NUP93: variants seen among roughly 807,000 people sequenced by gnomAD.
NUP93 encodes nucleoporin 93, also known as nuclear pore complex protein Nup93.
Under a neutral mutation model 107.8 loss-of-function variants are expected in NUP93, and 55 were observed. The ratio of observed to expected loss-of-function variants is 0.51; its 90% CI spans 0.41 to 0.64. NUP93 has a LOEUF of 0.64. NUP93 is among the 30% of genes least tolerant of loss of function. The pLI, the probability that NUP93 is intolerant of heterozygous loss-of-function variation, is 0.00. For missense variants in NUP93, 937 were observed against 1,044.7 expected (o/e 0.90, Z 1.42); for synonymous variants, 390 against 397.5 (o/e 0.98, Z 0.22).
In NUP93 at chr16:56,823,826, C is replaced by T. The variant is rs1305709919; in HGVS notation, c.774C>T (p.Ala258=). ...VEVRMEFVRQ[A]LAYLEQSYKN... Reference sequence around the variant, plus strand: ...TGCGCATGGAGTTTGTCAGGCAGGCCTTGGCGTACCTTGAGCAGAGGTAAG... The same window carrying T: ...TGCGCATGGAGTTTGTCAGGCAGGCTTTGGCGTACCTTGAGCAGAGGTAAG... The change falls in exon 8 of 22, where the codon GCC becomes GCT. Residue 258 remains alanine (A), a synonymous_variant. Coordinates refer to ENST00000308159, the MANE Select transcript of NUP93 (RefSeq NM_014669.5). The T allele has an allele frequency of 2.5e-6, 4 of 1,613,888 alleles. No individual in the cohort carries two copies. The Admixed American group carries it at 5.0e-5, about 20-fold the overall frequency.
rs111859378 is a variant in NUP93 at position 56,745,350 on chromosome 16, GA to G, written c.-14-2883del. Among the ~76,000 whole-genome samples the G allele has an allele frequency of 8.9e-3, 1,361 of 152,320 alleles. 17 individuals are homozygous for G. Among genetic ancestry groups the G allele is most frequent in the African/African-American group, 0.031 (1,281 of 41,558 alleles). On this transcript the variant is annotated intron_variant, in intron 1 of 21. Transcript: ENST00000308159. ...AGGGCTGGAGATGAGTCTGAGTGAT[GA>G]GGGGGGGTGGGGCCCCTTTTGTACG...
chr16:56,753,690 C>G (rs1205452938), intron 2 of NUP93, among the ~76,000 whole-genome samples: 1 of 151,990 alleles, frequency 6.6e-6, no homozygotes, highest in Non-Finnish European at 1.5e-5. Context: ...GATAAATAAT[C>G]CAGAATCTTC....
At chr16:56,841,894 T>C in intron 21 of NUP93, 61 bp downstream of exon 21, 1 of 1,597,316 alleles carries the variant, frequency 6.3e-7, no homozygotes, top group South Asian at 1.1e-5. Flanking sequence ...TTGGAATCCG[T>C]TGCGCTCTTA....
intron 18 of NUP93, 139 bp downstream of exon 18, chr16:56,837,865 C>T (rs1596862469): frequency 3.2e-6 from 2 of 619,672 alleles, no homozygotes. Flanking sequence ...ACTCACCATG[C>T]CACCAGCACT....
rs1348936111 is a variant in NUP93 at position 56,845,982 on chromosome 16, G to A, written c.*1373G>A. On this transcript the variant is annotated 3_prime_UTR_variant, in exon 22 of 22. Coordinates refer to ENST00000308159, the MANE Select transcript of NUP93 (RefSeq NM_014669.5). ...TCCTCTAGTCCCATCTTGTCACCCT[G>A]GAGGACTGTCTTCAATTGAGCTTTA... is the stretch of plus-strand genomic sequence containing the variant. 3 of 152,228 alleles carry A rather than the reference G, an allele frequency of 2.0e-5. No homozygotes were observed. The highest frequency in any genetic ancestry group is 7.2e-5 in the African/African-American group (3 of 41,448). 9.4% of individuals were successfully genotyped at this position (152,228 alleles called of 1,614,324 possible).
At chr16:56,815,960 T>C (rs549960312) in intron 5 of NUP93, among the ~76,000 whole-genome samples, 9 of 151,812 alleles carry the variant, frequency 5.9e-5, no homozygotes, top group African/African-American at 2.2e-4. Flanking sequence ...CCACTACTAC[T>C]ACTCTCTACT....
Position 56,804,187 on chromosome 16 carries a change from CCTTGCAGTTCCA to C in NUP93, c.361-1301_361-1290del, listed in dbSNP as rs375486176. Among the ~76,000 whole-genome samples, 920 of 152,198 alleles carry C rather than the reference CCTTGCAGTTCCA, an allele frequency of 6.0e-3. 13 individuals are homozygous for C. Among genetic ancestry groups the C allele is most frequent in the African/African-American group, 0.021 (864 of 41,508 alleles). ...CCTCACAAAATTAAAAATAAAATTA[CCTTGCAGTTCCA>C]CTTGCAGTTCCACTTCTGAGTATAT... is the stretch of plus-strand genomic sequence containing the variant. On this transcript the variant is annotated intron_variant, in intron 4 of 21. Transcript: ENST00000308159.
chr16:56,743,936 C>G (rs1961779886), intron 1 of NUP93, among the ~76,000 whole-genome samples: 1 of 152,206 alleles, frequency 6.6e-6, no homozygotes, highest in African/African-American at 2.4e-5. Context: ...CTTTGCGATG[C>G]TCTCTGAAGT....
At chr16:56,802,300 C>T (rs1156959486) in intron 4 of NUP93, among the ~76,000 whole-genome samples, 3 of 145,904 alleles carry the variant, frequency 2.1e-5, no homozygotes, top group African/African-American at 5.0e-5. Context: ...TTATCTCTTC[C>T]CCCCCACCCC....
intron 8 of NUP93, among the ~76,000 whole-genome samples, chr16:56,824,641 C>T (rs1490835718): frequency 1.3e-5 from 2 of 152,260 alleles, no homozygotes; most frequent in Non-Finnish European, 2.9e-5. Context: ...CACCTGCCAG[C>T]AGCCTTGCAG....
intron 6 of NUP93, among the ~76,000 whole-genome samples, chr16:56,821,275 G>A (rs1963535752): frequency 6.6e-6 from 1 of 152,084 alleles, no homozygotes; most frequent in Admixed American, 6.5e-5. Flanking sequence ...TCTCCCCCTG[G>A]ACCCCGCTGC....
At chr16:56,800,839 C>T (rs937021918) in intron 4 of NUP93, among the ~76,000 whole-genome samples, 3 of 152,202 alleles carry the variant, frequency 2.0e-5, no homozygotes, top group African/African-American at 7.2e-5. Context: ...CAGTAATAAA[C>T]GGGTGTGAAG....
chr16:56,773,046 T>C (rs1962351457), intron 3 of NUP93, among the ~76,000 whole-genome samples: 1 of 152,208 alleles, frequency 6.6e-6, no homozygotes, highest in Non-Finnish European at 1.5e-5. Flanking sequence ...TCTGTGTTGA[T>C]TGTCATTGTG....
intron 20 of NUP93, among the ~76,000 whole-genome samples, chr16:56,840,272 G>A (rs4620942): frequency 0.18 from 26,705 of 152,076 alleles, 2,530 homozygotes; most frequent in East Asian, 0.32. Context: ...TGCCCGCCTC[G>A]GCCTCCCAAA....
intron 4 of NUP93, among the ~76,000 whole-genome samples, chr16:56,800,231 A>G (rs1204356766): frequency 6.6e-5 from 10 of 152,216 alleles, no homozygotes; most frequent in Non-Finnish European, 1.2e-4. Context: ...ATTGTTGGCA[A>G]TAGTACTTAG....
chr16:56,827,472 T>C (rs1003887602), intron 8 of NUP93, among the ~76,000 whole-genome samples: 5 of 152,176 alleles, frequency 3.3e-5, no homozygotes, highest in Non-Finnish European at 7.3e-5. Context: ...AGACTACTTA[T>C]TAAGTACAAA....
intron 15 of NUP93, 33 bp from the exon 16 acceptor site, chr16:56,834,701 C>T: frequency 2.5e-6 from 4 of 1,585,002 alleles, no homozygotes; most frequent in Non-Finnish European, 2.6e-6. Context: ...TATCTTTGTC[C>T]AATAATTTGA....
chr16:56,821,476 C>T (rs1200055793), intron 6 of NUP93, 28 bp from the exon 7 acceptor site: 1 of 1,416,906 alleles, frequency 7.1e-7, no homozygotes, highest in South Asian at 1.2e-5. Context: ...AGATACTTTG[C>T]CATTTACTTT....
intron 3 of NUP93, among the ~76,000 whole-genome samples, chr16:56,763,419 A>G (rs1962160467): frequency 6.6e-6 from 1 of 152,122 alleles, no homozygotes; most frequent in Non-Finnish European, 1.5e-5. Context: ...TTAAATATGT[A>G]GTTTTTAAGG....
Sources: gnomAD v4.1 joint callset for allele counts (sites outside exome capture counted in the v4.1 genomes callset) on GRCh38, gnomAD v4.1.1 for gene constraint, MANE v1.5 for transcripts, NCBI Gene and HGNC (gene_info 2026-07-23, HGNC 2026-07-21) for gene names.